ARF4: variants seen among roughly 807,000 people sequenced by gnomAD.
ARF4 encodes ADP-ribosylation factor 4.
Under a neutral mutation model 24.3 loss-of-function variants are expected in ARF4, and 5 were observed. The ratio of observed to expected loss-of-function variants is 0.21; its 90% CI spans 0.11 to 0.43. ARF4 has a LOEUF of 0.43. Ranked by LOEUF, ARF4 falls within the 20% of genes least tolerant of loss-of-function variation. ARF4 has a pLI of 1.00. For synonymous variants in ARF4, 62 were observed against 73.5 expected (o/e 0.84, Z 0.80); for missense variants, 107 against 213.0 (o/e 0.50, Z 3.10).
intron 3 of ARF4, among the ~76,000 whole-genome samples, chr3:57,580,460 G>A (rs982899144): frequency 1.2e-4 from 19 of 152,040 alleles, no homozygotes; most frequent in Non-Finnish European, 2.4e-4. Context: ...GGAGTACAGA[G>A]GCGCAACTGT....
chr3:57,577,417 A>G, intron 3 of ARF4, 30 bp from the exon 4 acceptor site: 3 of 1,571,506 alleles, frequency 1.9e-6, no homozygotes, highest in Non-Finnish European at 2.6e-6. Context: ...GTAAATTTTA[A>G]CAGTTAAACG....
chr3:57,595,731 C>T (rs2070172995), intron 1 of ARF4, among the ~76,000 whole-genome samples: 1 of 152,084 alleles, frequency 6.6e-6, no homozygotes, highest in African/African-American at 2.4e-5. Flanking sequence ...GGTGGATCAC[C>T]TGAGGTGAGG....
rs2070202642 is a variant in ARF4 at position 57,597,297 on chromosome 3, T to C, written c.-157A>G. The C allele has an allele frequency of 1.5e-6, 1 of 664,880 alleles. No individual in the cohort carries two copies. The allele number at this position is 664,880 out of a possible 1,614,324, so 41.2% of individuals were successfully genotyped here. The stretch of plus-strand genomic sequence containing the variant: ...AACGTCTCAGTGGCCCCTGTGCCGA[T>C]GAAGATCCGGCACAGGAATAAGCCG... On this transcript the variant is annotated 5_prime_UTR_variant, in exon 1 of 6. Coordinates refer to ENST00000303436, the MANE Select transcript of ARF4 (RefSeq NM_001660.4).
intron 1 of ARF4, among the ~76,000 whole-genome samples, chr3:57,593,785 T>TA (rs1559788029): frequency 1.3e-5 from 2 of 152,090 alleles, no homozygotes. Flanking sequence ...CCTGTAACCC[T>TA]AGCACTTTTC....
At chr3:57,574,769 G>A (rs1277632173) in intron 5 of ARF4, among the ~76,000 whole-genome samples, 2 of 152,094 alleles carry the variant, frequency 1.3e-5, no homozygotes, top group East Asian at 1.9e-4. Context: ...GAATCCCAGC[G>A]CTTTGGTAGG....
intron 3 of ARF4, among the ~76,000 whole-genome samples, chr3:57,581,792 C>CA (rs1054364852): frequency 1.3e-4 from 20 of 151,568 alleles, no homozygotes; most frequent in Admixed American, 2.6e-4. Flanking sequence ...AACTCCATCT[C>CA]AAAAAAAATA....
rs975511100 is a variant in ARF4 at position 57,579,578 on chromosome 3, G to A, written c.259-2191C>T. Among the ~76,000 whole-genome samples the A allele has an allele frequency of 2.0e-4, 31 of 152,074 alleles. 1 individual carries two copies. In the East Asian group the frequency reaches 2.9e-3, roughly 14 times the overall value. ...GCTGGGATTACAGGTGTGAGCCACCGCGCCCAGCCCCATCCTACATCATTT... is the reference window on the plus strand; with the variant it reads ...GCTGGGATTACAGGTGTGAGCCACCACGCCCAGCCCCATCCTACATCATTT... On this transcript the variant is annotated intron_variant, in intron 3 of 5. Coordinates refer to ENST00000303436, the MANE Select transcript of ARF4 (RefSeq NM_001660.4).
At chr3:57,578,898 G>A (rs2069938001) in intron 3 of ARF4, among the ~76,000 whole-genome samples, 1 of 150,310 alleles carries the variant, frequency 6.7e-6, no homozygotes, top group Non-Finnish European at 1.5e-5. Context: ...AAAGGGGGGG[G>A]GCAAAAATAA....
At chr3:57,594,085 G>A (rs866680742) in intron 1 of ARF4, among the ~76,000 whole-genome samples, 9 of 151,974 alleles carry the variant, frequency 5.9e-5, no homozygotes, top group African/African-American at 1.2e-4. Context: ...GTGAAACCCC[G>A]TCTCTACTAA....
intron 3 of ARF4, 39 bp downstream of exon 3, chr3:57,583,859 C>T: frequency 7.1e-7 from 1 of 1,403,552 alleles, no homozygotes; most frequent in Non-Finnish European, 1.0e-6. Flanking sequence ...AGCATGAAAC[C>T]CACAAAGAAA....
At position 57,597,260 on chromosome 3, in the gene ARF4, G is replaced by C. The variant is rs2070201794; in HGVS notation, c.-120C>G. 1.0e-6 allele frequency: 1 copy of C among 984,994 alleles called. No individual in the cohort carries two copies. The allele number at this position is 984,994 out of a possible 1,614,324, so 61.0% of individuals were successfully genotyped here. ...GGAAGAGAAAGAGCGGAGGAAGAAA[G>C]AGGGAGGCAGAAACGTCTCAGTGGC... On this transcript the variant is annotated 5_prime_UTR_variant, in exon 1 of 6. Coordinates refer to ENST00000303436, the MANE Select transcript of ARF4 (RefSeq NM_001660.4).
At chr3:57,589,254 T>C (rs930480402) in intron 1 of ARF4, among the ~76,000 whole-genome samples, 1 of 151,330 alleles carries the variant, frequency 6.6e-6, no homozygotes, top group African/African-American at 2.4e-5. Flanking sequence ...GGCAACAGAA[T>C]TGAGACCCTG....
At chr3:57,587,236 T>C (rs546364545) in intron 1 of ARF4, among the ~76,000 whole-genome samples, 1 of 150,802 alleles carries the variant, frequency 6.6e-6, no homozygotes, top group East Asian at 1.9e-4. Flanking sequence ...GGAGACTCGC[T>C]TGAACCCAGG....
intron 1 of ARF4, among the ~76,000 whole-genome samples, chr3:57,591,892 G>T (rs1033918628): frequency 6.6e-6 from 1 of 152,156 alleles, no homozygotes; most frequent in African/African-American, 2.4e-5. Context: ...CAGATTACGG[G>T]CTGGGAAGAA....
At chr3:57,594,856 G>A (rs561619704) in intron 1 of ARF4, among the ~76,000 whole-genome samples, 1 of 152,302 alleles carries the variant, frequency 6.6e-6, no homozygotes, top group East Asian at 1.9e-4. Flanking sequence ...ACAGAAAAAT[G>A]TAAGAATTAT....
In ARF4 at chr3:57,577,319, T is replaced by C; in HGVS notation, c.327A>G (p.Lys109=). 6.2e-7 allele frequency: 1 copy of C among 1,612,828 alleles called. No homozygotes were observed. The highest frequency in any genetic ancestry group is 8.5e-7 in the Non-Finnish European group (1 of 1,178,984). ...GAATTTAAAGTATATTTCTTACCAT[T>C]TTCTGCAGCTCATCTGCTACTTCCT... is the stretch of plus-strand genomic sequence containing the variant. ...RIQEVADELQ[K]MLLVDELRDA... Residue 109 remains lysine, a synonymous_variant, in exon 4 of 6, where the codon AAA becomes AAG. Coordinates refer to ENST00000303436, the MANE Select transcript of ARF4 (RefSeq NM_001660.4).
rs775921715 is a variant in ARF4 at position 57,572,179 on chromosome 3, C to G, written c.*33G>C. 3 of 1,568,632 alleles carry G rather than the reference C, an allele frequency of 1.9e-6. No homozygotes were observed. Among genetic ancestry groups the G allele is most frequent in the Non-Finnish European group, 2.6e-6 (3 of 1,139,576 alleles). On this transcript the variant is annotated 3_prime_UTR_variant, in exon 6 of 6. Coordinates refer to ENST00000303436, the MANE Select transcript of ARF4 (RefSeq NM_001660.4). ...TGTAACAAGCCTAGACCAATTTTAT[C>G]AAACATGTCCTTGGTTAGATATCCA...
intron 1 of ARF4, among the ~76,000 whole-genome samples, chr3:57,591,946 G>A (rs2070121448): frequency 6.6e-6 from 1 of 152,108 alleles, no homozygotes; most frequent in South Asian, 2.1e-4. Flanking sequence ...GTTTCTTTGA[G>A]GGATGATGAA....
chr3:57,572,603 A>G (rs1191332522), intron 5 of ARF4, among the ~76,000 whole-genome samples: 3 of 152,160 alleles, frequency 2.0e-5, no homozygotes, highest in Admixed American at 6.5e-5. Flanking sequence ...ACTTCTACCT[A>G]TTCTGGAGGT....
Sources: gnomAD v4.1 joint callset for allele counts (sites outside exome capture counted in the v4.1 genomes callset) on GRCh38, gnomAD v4.1.1 for gene constraint, MANE v1.5 for transcripts, NCBI Gene and HGNC (gene_info 2026-07-23, HGNC 2026-07-21) for gene names.